The following DDHD1 variants were observed in gnomAD, a reference collection of about 807,000 sequenced individuals.
The protein encoded by DDHD1 is phospholipase DDHD1.
A neutral mutation model predicts 96.4 loss-of-function variants in DDHD1; 49 were observed. The ratio of observed to expected loss-of-function variants is 0.51; its 90% CI spans 0.40 to 0.64. The LOEUF (loss-of-function observed/expected upper bound fraction) is 0.64. Ranked by LOEUF, DDHD1 falls within the 30% of genes least tolerant of loss-of-function variation. DDHD1 has a pLI of 0.00. For synonymous variants in DDHD1, 442 were observed against 446.5 expected (o/e 0.99, Z 0.13); for missense variants, 1,106 against 1,161.2 (o/e 0.95, Z 0.69).
chr14:53,062,832 A>T, intron 7 of DDHD1, 111 bp downstream of exon 7: 1 of 1,155,494 alleles, frequency 8.7e-7, no homozygotes, highest in Middle Eastern at 2.4e-4. Flanking sequence ...TAATCTTTGT[A>T]TCTTGAACAA....
intron 5 of DDHD1, 80 bp downstream of exon 5, chr14:53,073,661 A>G (rs1265073569): frequency 2.6e-6 from 3 of 1,174,290 alleles, no homozygotes; most frequent in Non-Finnish European, 3.7e-6. Flanking sequence ...ATTAACAAAA[A>G]GTGTTTTCTA....
At position 53,037,248 on chromosome 14, in the gene DDHD1, G is replaced by A. The variant is rs1416560349; in HGVS notation, c.*9520C>T. ...GTGATGACCATATGTGTTTTTGGTA[G>A]AAGGATTTATTTCCTTTTGGGAAAT... On this transcript the variant is annotated 3_prime_UTR_variant, in exon 13 of 13. Transcript: ENST00000673822. 2 of 152,240 alleles carry A rather than the reference G, an allele frequency of 1.3e-5. No homozygotes were observed. The highest frequency in any genetic ancestry group is 3.4e-3 in the Middle Eastern group (1 of 294). The allele number at this position is 152,240 out of a possible 1,614,324, so 9.4% of individuals were successfully genotyped here. A position where few individuals can be genotyped will look rare whatever the true frequency, so the allele number is the denominator to read the frequency against.
At chr14:53,107,120 C>G (rs2139738187) in intron 1 of DDHD1, among the ~76,000 whole-genome samples, 1 of 152,202 alleles carries the variant, frequency 6.6e-6, no homozygotes, top group South Asian at 2.1e-4. Context: ...CCACTGGATG[C>G]CTGAAGCCTT....
At chr14:53,061,351 G>T in intron 7 of DDHD1, 150 bp from the exon 8 acceptor site, 1 of 562,080 alleles carries the variant, frequency 1.8e-6, no homozygotes, top group Non-Finnish European at 2.9e-6. Context: ...AAATGTCTCT[G>T]CCACAGTACA....
In DDHD1 at chr14:53,099,775, T is replaced by C. The variant is rs189656297; in HGVS notation, c.1012+3908A>G. ...TCATTTGTTAAACTGCTAAACATTT[T>C]CTAGCCCAGGAGGTAGGGTAAGAAG... On this transcript the variant is annotated intron_variant, in intron 2 of 12. Coordinates refer to ENST00000673822, the MANE Select transcript of DDHD1 (RefSeq NM_001160148.2). Among the ~76,000 whole-genome samples, 5 of 152,346 alleles carry C rather than the reference T, an allele frequency of 3.3e-5. No homozygotes were observed. The East Asian group carries it at 9.6e-4, about 29-fold the overall frequency.
At chr14:53,094,151 T>A (rs1208390629) in intron 2 of DDHD1, among the ~76,000 whole-genome samples, 2 of 151,176 alleles carry the variant, frequency 1.3e-5, no homozygotes, top group African/African-American at 2.4e-5. Flanking sequence ...CACTCCCGCC[T>A]GGGCTACAGA....
chr14:53,074,859 C>T (rs1884819494), intron 4 of DDHD1, among the ~76,000 whole-genome samples: 1 of 152,082 alleles, frequency 6.6e-6, no homozygotes, highest in Non-Finnish European at 1.5e-5. Flanking sequence ...TGCATTTTTC[C>T]AACAGCATGT....
At chr14:53,141,109 C>T (rs999830537) in intron 1 of DDHD1, among the ~76,000 whole-genome samples, 2 of 152,156 alleles carry the variant, frequency 1.3e-5, no homozygotes, top group Non-Finnish European at 2.9e-5. Context: ...ACTATATCCA[C>T]AATTATAGTG....
Position 53,051,905 on chromosome 14 carries a change from G to A in DDHD1, c.2460C>T (p.Phe820=), listed in dbSNP as rs1477373377. ...DSAYFRLQES[F]FNLPQLLFPE... ...GAAAAAGAAGTTGTGGGAGATTAAA[G>A]AACGATTCTTGAAGTCTGAAATCTG... The change falls in exon 12 of 13, where the codon TTC becomes TTT. Residue 820 remains phenylalanine, a synonymous_variant. Transcript: ENST00000673822. 6.9e-6 allele frequency: 11 copies of A among 1,593,856 alleles called. No homozygotes were observed. Among genetic ancestry groups the A allele is most frequent in the Non-Finnish European group, 9.4e-6 (11 of 1,169,186 alleles).
intron 1 of DDHD1, among the ~76,000 whole-genome samples, chr14:53,121,922 T>TA (rs10673927): frequency 0.23 from 33,346 of 146,000 alleles, 4,839 homozygotes; most frequent in African/African-American, 0.43. Flanking sequence ...CCCAGAACGT[T>TA]AAAAAAAAAA....
Position 53,073,417 on chromosome 14 carries a change from CA to C in DDHD1, c.1396+323del, listed in dbSNP as rs141008945. Among the ~76,000 whole-genome samples, 4,692 of 152,032 alleles carry C rather than the reference CA, an allele frequency of 0.031. 239 individuals are homozygous for C. The highest frequency in any genetic ancestry group is 0.1 in the African/African-American group (4,339 of 41,488). On this transcript the variant is annotated intron_variant, in intron 5 of 12. Coordinates refer to ENST00000673822, the MANE Select transcript of DDHD1 (RefSeq NM_001160148.2). ...AAAACAAATATTTTTAAAGTACTGACAAATCAACTTCGTGTCAAAAACTTTA... is the reference window on the plus strand; with the variant it reads ...AAAACAAATATTTTTAAAGTACTGACAATCAACTTCGTGTCAAAAACTTTA...
chr14:53,153,234 G>C lies in DDHD1; in HGVS notation c.-136C>G. The C allele has an allele frequency of 1.3e-6, 1 of 763,772 alleles. No homozygotes were observed. The highest frequency in any genetic ancestry group is 1.9e-6 in the Non-Finnish European group (1 of 540,048). 47.3% of individuals were successfully genotyped at this position (763,772 alleles called of 1,614,324 possible). A position where few individuals can be genotyped will look rare whatever the true frequency, so the allele number is the denominator to read the frequency against. On this transcript the variant is annotated 5_prime_UTR_variant, in exon 1 of 13. Transcript: ENST00000673822. ...AATCCCGACCCGAGCTGCGGCGGCA[G>C]CGGCGACCGCTCCGCCCCCACGAGA...
At chr14:53,135,801 TAGAA>T (rs1890194295) in intron 1 of DDHD1, among the ~76,000 whole-genome samples, 1 of 152,204 alleles carries the variant, frequency 6.6e-6, no homozygotes, top group Non-Finnish European at 1.5e-5. Context: ...CTTAAATAAC[TAGAA>T]AATCAGACAA....
At chr14:53,071,330 A>G (rs1429417764) in intron 6 of DDHD1, among the ~76,000 whole-genome samples, 1 of 152,150 alleles carries the variant, frequency 6.6e-6, no homozygotes, top group Non-Finnish European at 1.5e-5. Flanking sequence ...CTTAAGTACT[A>G]TAACAATAAG....
At chr14:53,057,128 T>C (rs1595093661) in intron 9 of DDHD1, among the ~76,000 whole-genome samples, 1 of 152,220 alleles carries the variant, frequency 6.6e-6, no homozygotes, top group East Asian at 1.9e-4. Flanking sequence ...GAAGTTAATA[T>C]GGCAGTTGTA....
intron 6 of DDHD1, among the ~76,000 whole-genome samples, chr14:53,064,287 A>T (rs1337993759): frequency 6.6e-6 from 1 of 152,104 alleles, no homozygotes; most frequent in Non-Finnish European, 1.5e-5. Context: ...CTTTAAAAGC[A>T]ACAGTTCTTA....
intron 5 of DDHD1, 129 bp from the exon 6 acceptor site, chr14:53,072,832 C>G (rs1447478416): frequency 8.1e-6 from 4 of 493,332 alleles, no homozygotes; most frequent in Non-Finnish European, 1.4e-5. Flanking sequence ...TCAAGACCAG[C>G]TTTGGCTCTA....
At chr14:53,080,213 T>C (rs80168836) in intron 4 of DDHD1, among the ~76,000 whole-genome samples, 1 of 152,052 alleles carries the variant, frequency 6.6e-6, no homozygotes, top group Non-Finnish European at 1.5e-5. Flanking sequence ...AACATAAAAT[T>C]AGCTGGGTGT....
chr14:53,077,681 T>TTA (rs1555333747), intron 4 of DDHD1, among the ~76,000 whole-genome samples: 17 of 149,746 alleles, frequency 1.1e-4, no homozygotes, highest in African/African-American at 3.9e-4. Flanking sequence ...TTTTTTTTTT[T>TTA]AAAAAACAAT....
Sources: allele counts gnomAD v4.1 joint callset (sites outside exome capture counted in the v4.1 genomes callset), GRCh38; gene constraint gnomAD v4.1.1; transcripts MANE v1.5; gene names NCBI Gene and HGNC (gene_info 2026-07-23, HGNC 2026-07-21).